The following GDPD1 variants were observed in gnomAD, a reference collection of about 807,000 sequenced individuals.
GDPD1 encodes the protein glycerophosphodiester phosphodiesterase domain containing 1, also known as lysophospholipase D GDPD1.
In GDPD1, 28 loss-of-function variants were observed where a neutral mutation model predicts 45.1. That is an observed-to-expected ratio of 0.62 (90% CI 0.46 to 0.85). GDPD1 has a LOEUF of 0.85. Ranked by LOEUF, GDPD1 falls within the 40% of genes least tolerant of loss-of-function variation. The probability of loss-of-function intolerance (pLI) is 0.00; values close to 1 mark genes in which losing one functional copy is unlikely to be tolerated. For missense variants in GDPD1, 256 were observed against 364.8 expected, an observed-to-expected ratio of 0.70 and a Z score of 2.43; for synonymous variants, 139 against 131.4, an observed-to-expected ratio of 1.06 and a Z score of -0.40.
chr17:59,226,238 T>C (rs1212673010), intron 1 of GDPD1, among the ~76,000 whole-genome samples: 1 of 152,146 alleles, frequency 6.6e-6, no homozygotes, highest in African/African-American at 2.4e-5. Flanking sequence ...TTGTGGTGCT[T>C]TGTTTTTGAA....
chr17:59,237,760 G>A (rs2047143986), intron 2 of GDPD1, among the ~76,000 whole-genome samples: 1 of 151,870 alleles, frequency 6.6e-6, no homozygotes, highest in Non-Finnish European at 1.5e-5. Flanking sequence ...TTGAAGACAA[G>A]AAGGAGCTAT....
intron 4 of GDPD1, among the ~76,000 whole-genome samples, chr17:59,255,988 C>G (rs910473144): frequency 6.7e-6 from 1 of 149,588 alleles, no homozygotes; most frequent in African/African-American, 2.5e-5. Flanking sequence ...CTACTGCACT[C>G]CAGCCTTGGC....
At position 59,267,074 on chromosome 17, in the gene GDPD1, C is replaced by T. The variant is rs763404838; in HGVS notation, c.610C>T (p.Arg204Cys). Residue 204 changes from arginine to cysteine, a missense_variant, in exon 7 of 10, where the codon CGT becomes TGT. Transcript: ENST00000284116. ...SDIPILFSLQRVLLILGLFFT... is the reference protein window; with the variant it reads ...SDIPILFSLQCVLLILGLFFT... ...TATTCCTATACTCTTCAGTCTACAA[C>T]GTGTCCTGCTCATTCTTGGCCTTTT... 40 of 1,612,686 alleles carry T rather than the reference C, an allele frequency of 2.5e-5. No homozygotes were observed. The highest frequency in any genetic ancestry group is 3.1e-5 in the Non-Finnish European group (37 of 1,178,692).
chr17:59,249,401 A>AT (rs1428353738), intron 4 of GDPD1, among the ~76,000 whole-genome samples: 7 of 152,118 alleles, frequency 4.6e-5, no homozygotes, highest in Admixed American at 6.6e-5. Context: ...GTCTCAAAAA[A>AT]ATATATATAA....
At chr17:59,235,546 T>C (rs929325334) in intron 2 of GDPD1, among the ~76,000 whole-genome samples, 27 of 152,178 alleles carry the variant, frequency 1.8e-4, no homozygotes, top group Non-Finnish European at 3.4e-4. Context: ...GCATGGTGGC[T>C]CACACCTGTA....
chr17:59,251,594 GAA>G (rs1437177962), intron 4 of GDPD1, among the ~76,000 whole-genome samples: 1 of 151,738 alleles, frequency 6.6e-6, no homozygotes, highest in African/African-American at 2.4e-5. Context: ...ACATCTGAAA[GAA>G]ATAATAATAA....
chr17:59,251,095 T>A (rs1250799224), intron 4 of GDPD1, among the ~76,000 whole-genome samples: 1 of 152,188 alleles, frequency 6.6e-6, no homozygotes, highest in Non-Finnish European at 1.5e-5. Flanking sequence ...GCAAATTAAC[T>A]TAATCAATTT....
intron 3 of GDPD1, 23 bp downstream of exon 3, chr17:59,245,572 C>G: frequency 4.5e-6 from 7 of 1,572,938 alleles, no homozygotes; most frequent in Non-Finnish European, 6.1e-6. Flanking sequence ...GCATGATAAA[C>G]TAATATCTAA....
intron 1 of GDPD1, among the ~76,000 whole-genome samples, chr17:59,221,419 C>CTTT (rs36143328): frequency 1.5e-4 from 19 of 126,870 alleles, no homozygotes; most frequent in African/African-American, 4.4e-4. Flanking sequence ...AACCTTGCAT[C>CTTT]TTTTTTTTTT....
intron 1 of GDPD1, among the ~76,000 whole-genome samples, chr17:59,225,857 G>C (rs1192352768): frequency 6.6e-6 from 1 of 152,076 alleles, no homozygotes; most frequent in Non-Finnish European, 1.5e-5. Flanking sequence ...AAGTAGCTGA[G>C]ACTACAGGTA....
Position 59,220,613 on chromosome 17 carries a change from T to A in GDPD1, c.4T>A (p.Ser2Thr). The change falls in exon 1 of 10, where the codon TCG (serine) becomes ACG (threonine). Residue 2 changes from serine to threonine, a missense_variant. By Grantham distance (58) the Ser-to-Thr change is moderately conservative. Coordinates refer to ENST00000284116, the MANE Select transcript of GDPD1 (RefSeq NM_182569.4). M[S>T]STAAFYLLST... ...GACTTCCCACACGGTGACTGAGATG[T>A]CGTCCACTGCGGCTTTTTACCTTCT... 2 of 1,613,600 alleles carry A rather than the reference T, an allele frequency of 1.2e-6. No homozygotes were observed. Among genetic ancestry groups the A allele is most frequent in the Admixed American group, 3.3e-5 (2 of 59,950 alleles).
chr17:59,233,029 A>G (rs751140048), intron 1 of GDPD1, among the ~76,000 whole-genome samples: 1 of 151,984 alleles, frequency 6.6e-6, no homozygotes, highest in Admixed American at 6.6e-5. Flanking sequence ...CAGCCTGGCC[A>G]TCATGGCAAA....
At chr17:59,227,085 T>C (rs184753157) in intron 1 of GDPD1, among the ~76,000 whole-genome samples, 28 of 152,266 alleles carry the variant, frequency 1.8e-4, no homozygotes, top group Middle Eastern at 6.8e-3. Flanking sequence ...AAAGTATTTT[T>C]CTGTATATTT....
At chr17:59,246,170 G>C (rs974200186) in intron 3 of GDPD1, among the ~76,000 whole-genome samples, 1 of 151,796 alleles carries the variant, frequency 6.6e-6, no homozygotes, top group Non-Finnish European at 1.5e-5. Context: ...AAATACTCAT[G>C]AACGGAAGGA....
At chr17:59,271,436 G>A (rs2047443239) in intron 8 of GDPD1, among the ~76,000 whole-genome samples, 1 of 152,124 alleles carries the variant, frequency 6.6e-6, no homozygotes, top group Admixed American at 6.5e-5. Flanking sequence ...CCCACCTATA[G>A]AGTGGATATC....
rs781384753 is a variant in GDPD1, at chr17:59,274,843, A to AT, written c.*1086dup. On this transcript the variant is annotated 3_prime_UTR_variant, in exon 10 of 10. Transcript: ENST00000284116. ...CTGGAATACAATCAATTAGTAAAAG[A>AT]TTTTTTTTTTTTTTTTGACATGTAG... 0.049 allele frequency among the ~76,000 whole-genome samples: 6,689 copies of AT among 137,332 alleles called. 481 individuals are homozygous for AT. The highest frequency in any genetic ancestry group is 0.16 in the African/African-American group (5,734 of 36,690). 90.1% of individuals were successfully genotyped at this position (137,332 alleles called of 152,430 possible).
At chr17:59,270,503 G>A (rs1051629767) in intron 7 of GDPD1, among the ~76,000 whole-genome samples, 1 of 151,850 alleles carries the variant, frequency 6.6e-6, no homozygotes, top group African/African-American at 2.4e-5. Context: ...CTGGCCTACA[G>A]ATATTTTAAA....
intron 6 of GDPD1, among the ~76,000 whole-genome samples, chr17:59,262,149 T>TG (rs1420316690): frequency 6.6e-5 from 10 of 151,668 alleles, no homozygotes; most frequent in Non-Finnish European, 1.2e-4. Context: ...CTCGATCTCC[T>TG]GACCTCGTGA....
At chr17:59,232,045 A>G (rs1381313342) in intron 1 of GDPD1, among the ~76,000 whole-genome samples, 1 of 152,182 alleles carries the variant, frequency 6.6e-6, no homozygotes, top group Non-Finnish European at 1.5e-5. Context: ...GCCTTTGACT[A>G]TGTTTAGCGA....
Sources: allele counts gnomAD v4.1 joint callset (sites outside exome capture counted in the v4.1 genomes callset), GRCh38; gene constraint gnomAD v4.1.1; transcripts MANE v1.5; gene names NCBI Gene and HGNC (gene_info 2026-07-23, HGNC 2026-07-21).